CHCHD6: variants seen among roughly 807,000 people sequenced by gnomAD.
CHCHD6 encodes the protein MICOS complex subunit MIC25.
CHCHD6 carries 28 observed loss-of-function variants against 32.3 expected under a neutral mutation model. That is an observed-to-expected ratio of 0.87 (90% CI 0.64 to 1.19). CHCHD6 has a LOEUF of 1.19. CHCHD6 is among the 50% of genes most tolerant of loss of function. The pLI is 0.00. For missense variants in CHCHD6, 333 were observed against 307.0 expected (o/e 1.08, Z -0.63); for synonymous variants, 122 against 117.5 (o/e 1.04, Z -0.25).
intron 5 of CHCHD6, among the ~76,000 whole-genome samples, chr3:126,891,854 A>C (rs2077764757): frequency 6.6e-6 from 1 of 152,114 alleles, no homozygotes; most frequent in African/African-American, 2.4e-5. Flanking sequence ...GGCTGGTGGC[A>C]AGGGGCATGT....
At chr3:126,709,415 T>C (rs1934649359) in intron 1 of CHCHD6, among the ~76,000 whole-genome samples, 1 of 152,242 alleles carries the variant, frequency 6.6e-6, no homozygotes, top group Non-Finnish European at 1.5e-5. Context: ...TCTTGGTTAT[T>C]GTGAGTAACG....
chr3:126,764,589 C>T (rs1937288246), intron 4 of CHCHD6, among the ~76,000 whole-genome samples: 1 of 152,234 alleles, frequency 6.6e-6, no homozygotes, highest in South Asian at 2.1e-4. Flanking sequence ...GCCAGGTTTA[C>T]ATGAGGCTGC....
At chr3:126,742,780 G>A (rs2107664108) in intron 4 of CHCHD6, among the ~76,000 whole-genome samples, 1 of 152,268 alleles carries the variant, frequency 6.6e-6, no homozygotes. Flanking sequence ...CCATGACTTG[G>A]ACTTCTCAGC....
At chr3:126,714,494 A>G (rs1022606612) in intron 1 of CHCHD6, among the ~76,000 whole-genome samples, 16 of 152,160 alleles carry the variant, frequency 1.1e-4, no homozygotes, top group Non-Finnish European at 5.9e-5. Flanking sequence ...CAACAGCCTT[A>G]GGCAAGGGGG....
At chr3:126,883,042 T>C (rs1035847558) in intron 5 of CHCHD6, among the ~76,000 whole-genome samples, 5 of 152,184 alleles carry the variant, frequency 3.3e-5, no homozygotes, top group Admixed American at 3.3e-4. Flanking sequence ...GTTTAATCAA[T>C]CTTGCCTACA....
At chr3:126,808,938 A>T (rs192769747) in intron 4 of CHCHD6, among the ~76,000 whole-genome samples, 156 of 151,702 alleles carry the variant, frequency 1.0e-3, no homozygotes, top group Non-Finnish European at 2.0e-3. Flanking sequence ...TGCATTGAGC[A>T]TACCCAAAAC....
At chr3:126,842,634 T>G (rs185945778) in intron 4 of CHCHD6, among the ~76,000 whole-genome samples, 34 of 152,340 alleles carry the variant, frequency 2.2e-4, no homozygotes, top group African/African-American at 7.7e-4. Flanking sequence ...ATTTTGCATT[T>G]AAGTACATTT....
In CHCHD6 at chr3:126,960,269, A is replaced by G. The variant is rs201954030; in HGVS notation, c.*68A>G. 6 of 1,539,562 alleles carry G rather than the reference A, an allele frequency of 3.9e-6. No homozygotes were observed. The highest frequency in any genetic ancestry group is 5.3e-6 in the Non-Finnish European group (6 of 1,137,462). ...TGAAGAAGGGACCAATCATGGGACC[A>G]CAGCCACTGTGCCCTGCCGTTTCCT... On this transcript the variant is annotated 3_prime_UTR_variant, in exon 8 of 8. Coordinates refer to ENST00000290913, the MANE Select transcript of CHCHD6 (RefSeq NM_032343.3).
intron 7 of CHCHD6, among the ~76,000 whole-genome samples, chr3:126,958,242 G>T (rs1172173976): frequency 2.0e-5 from 3 of 151,710 alleles, no homozygotes; most frequent in Non-Finnish European, 4.4e-5. Flanking sequence ...CAGTCAGGCT[G>T]TTCCCAGCCA....
chr3:126,836,716 G>A (rs1026844947), intron 4 of CHCHD6, among the ~76,000 whole-genome samples: 5 of 152,348 alleles, frequency 3.3e-5, no homozygotes, highest in Non-Finnish European at 7.4e-5. Flanking sequence ...GAGAGAGGGC[G>A]TCTGCAGGGA....
At chr3:126,863,936 T>C (rs867707115) in intron 5 of CHCHD6, among the ~76,000 whole-genome samples, 5,145 of 29,830 alleles carry the variant, frequency 0.17, no homozygotes, top group Middle Eastern at 0.22. Context: ...ACCTCCTCCT[T>C]CTCCACCATC....
At chr3:126,733,915 T>G (rs572766507) in intron 4 of CHCHD6, among the ~76,000 whole-genome samples, 2 of 152,320 alleles carry the variant, frequency 1.3e-5, no homozygotes, top group African/African-American at 4.8e-5. Flanking sequence ...AGCATCATCA[T>G]GGACCTGGTG....
At chr3:126,852,790 C>A in intron 5 of CHCHD6, 60 bp downstream of exon 5, 1 of 1,146,276 alleles carries the variant, frequency 8.7e-7, no homozygotes, top group Non-Finnish European at 1.3e-6. Context: ...CTGACCAGAA[C>A]ACATCACTGT....
intron 4 of CHCHD6, among the ~76,000 whole-genome samples, chr3:126,825,702 T>C (rs1460151269): frequency 6.6e-6 from 1 of 152,210 alleles, no homozygotes; most frequent in Non-Finnish European, 1.5e-5. Flanking sequence ...AATGTTAACT[T>C]TACTACTTTA....
At chr3:126,728,995 A>G (rs6780441) in intron 2 of CHCHD6, among the ~76,000 whole-genome samples, 31,608 of 152,076 alleles carry the variant, frequency 0.21, 3,546 homozygotes, top group South Asian at 0.35. Flanking sequence ...AGAAAAAGAA[A>G]TTAAAATTAA....
chr3:126,892,592 C>T (rs1198442399), intron 5 of CHCHD6, among the ~76,000 whole-genome samples: 1 of 152,234 alleles, frequency 6.6e-6, no homozygotes, highest in African/African-American at 2.4e-5. Flanking sequence ...CCATCCCTAG[C>T]CCACGTCCAG....
chr3:126,810,259 T>G (rs565593567), intron 4 of CHCHD6, among the ~76,000 whole-genome samples: 2 of 152,234 alleles, frequency 1.3e-5, no homozygotes, highest in Non-Finnish European at 2.9e-5. Flanking sequence ...TGTTGAACCA[T>G]ACACATGTTT....
rs1462796227 is a variant in CHCHD6 at position 126,957,479 on chromosome 3, T to A, written c.630T>A (p.Asp210Glu). The change falls in exon 7 of 8, where the codon GAT (aspartate) becomes GAA (glutamate). Residue 210 changes from aspartate to glutamate, a missense_variant. Coordinates refer to ENST00000290913, the MANE Select transcript of CHCHD6 (RefSeq NM_032343.3). ...CCCAGATTCTCCACTGCTACCGAGATCGCCCGCATGAGGTGCTGCTGTGCT... is the reference window on the plus strand; with the variant it reads ...CCCAGATTCTCCACTGCTACCGAGAACGCCCGCATGAGGTGCTGCTGTGCT... ...LQAQILHCYR[D>E]RPHEVLLCSD... The A allele has an allele frequency of 6.2e-7, 1 of 1,608,446 alleles. No homozygotes were observed. The highest frequency in any genetic ancestry group is 8.5e-7 in the Non-Finnish European group (1 of 1,177,696).
rs974158776 is a variant in CHCHD6 at position 126,732,428 on chromosome 3, G to A, written c.267-650G>A. On this transcript the variant is annotated intron_variant, in intron 3 of 7. Transcript: ENST00000290913. ...AGTTTTATTGCTAAAAGCATTTATT[G>A]GTTCTCAGTTTTTAGATTCAACCTA... Among the ~76,000 whole-genome samples, 3 of 152,080 alleles carry A rather than the reference G, an allele frequency of 2.0e-5. No individual in the cohort carries two copies. The East Asian group carries it at 5.8e-4, about 29-fold the overall frequency.
Sources: gnomAD v4.1 joint callset for allele counts (sites outside exome capture counted in the v4.1 genomes callset) on GRCh38, gnomAD v4.1.1 for gene constraint, MANE v1.5 for transcripts, NCBI Gene and HGNC (gene_info 2026-07-23, HGNC 2026-07-21) for gene names.